VEGFD: variants seen among roughly 807,000 people sequenced by gnomAD.
VEGFD encodes c-fos induced growth factor (vascular endothelial growth factor D).
A neutral mutation model predicts 28.0 loss-of-function variants in VEGFD; 26 were observed. The observed-to-expected ratio is 0.93, with a 90% CI of 0.68 to 1.29. The LOEUF is 1.29. Among genes scored for constraint, VEGFD ranks in the 50% most tolerant of loss-of-function variants. The pLI is 0.00. For missense variants in VEGFD, 294 were observed against 273.4 expected (o/e 1.08, Z -0.53); for synonymous variants, 93 against 95.5 (o/e 0.97, Z 0.15).
At chrX:15,357,795 G>A (rs1051163010) in intron 3 of VEGFD, among the ~76,000 whole-genome samples, 8 of 111,916 alleles carry the variant, frequency 7.1e-5, no homozygotes, top group African/African-American at 2.6e-4. Flanking sequence ...TATCAGCCGT[G>A]TAAACTTGGA....
chrX:15,369,283 T>C (rs1465753020), intron 1 of VEGFD, among the ~76,000 whole-genome samples: 8 of 110,401 alleles, frequency 7.2e-5, no homozygotes, highest in Admixed American at 1.9e-4. Flanking sequence ...CAAAAATACA[T>C]ATCCAGTCAA....
chrX:15,371,964 G>A (rs762438927), intron 1 of VEGFD, among the ~76,000 whole-genome samples: 3 of 111,897 alleles, frequency 2.7e-5, no homozygotes, highest in African/African-American at 9.7e-5. Flanking sequence ...CCTAACACAC[G>A]GGATGAACAT....
At chrX:15,368,104 GAAGGA>G (rs1569186761) in intron 1 of VEGFD, among the ~76,000 whole-genome samples, 1 of 100,255 alleles carries the variant, frequency 1.0e-5, no homozygotes, top group Non-Finnish European at 2.0e-5. Context: ...AGAAAGAAAA[GAAGGA>G]AAGAAAGAAA....
At chrX:15,346,484 C>T (rs1220467482) in intron 6 of VEGFD, among the ~76,000 whole-genome samples, 6 of 111,273 alleles carry the variant, frequency 5.4e-5, no homozygotes, top group Non-Finnish European at 1.1e-4. Flanking sequence ...AATGATATTC[C>T]CTCCATTAAA....
chrX:15,377,004 T>C (rs1215496166), intron 1 of VEGFD, among the ~76,000 whole-genome samples: 1 of 111,943 alleles, frequency 8.9e-6, no homozygotes, highest in Admixed American at 9.5e-5. Context: ...ATCTCCAATA[T>C]GTGAGTGTTA....
At chrX:15,374,405 G>T (rs1471753995) in intron 1 of VEGFD, among the ~76,000 whole-genome samples, 1 of 112,222 alleles carries the variant, frequency 8.9e-6, no homozygotes, top group Non-Finnish European at 1.9e-5. Flanking sequence ...CTGGGACACT[G>T]GTAGAATCTC....
At position 15,367,444 on chromosome X, in the gene VEGFD, C is replaced by T. The variant is rs149201603; in HGVS notation, c.91-4125G>A. Among the ~76,000 whole-genome samples the T allele has an allele frequency of 3.8e-3, 427 of 111,870 alleles. 2 individuals carry two copies. The highest frequency in any genetic ancestry group is 5.8e-3 in the Non-Finnish European group (308 of 53,138). On this transcript the variant is annotated intron_variant, in intron 1 of 6. Coordinates refer to ENST00000297904, the MANE Select transcript of VEGFD (RefSeq NM_004469.5). ...GGCAGCTTTGAAATTCAATGCTTCT[C>T]CATTAAGTCTTATTTGTCAATAGTC... is the stretch of plus-strand genomic sequence containing the variant.
chrX:15,381,724 T>C (rs1053286875), intron 1 of VEGFD, among the ~76,000 whole-genome samples: 14 of 111,373 alleles, frequency 1.3e-4, no homozygotes, highest in Non-Finnish European at 2.1e-4. Flanking sequence ...CATTATCCCT[T>C]ACCACTCAGT....
intron 1 of VEGFD, among the ~76,000 whole-genome samples, chrX:15,365,401 G>A (rs908743745): frequency 8.9e-6 from 1 of 112,164 alleles, no homozygotes; most frequent in African/African-American, 3.2e-5. Context: ...CCAAAGTGTT[G>A]TGATTACAGA....
intron 5 of VEGFD, among the ~76,000 whole-genome samples, chrX:15,350,851 C>CTCTCTTTA (rs2147735556): frequency 1.2e-5 from 1 of 85,000 alleles, no homozygotes; most frequent in South Asian, 5.6e-4. Flanking sequence ...TTTTCTCTTT[C>CTCTCTTTA]TCTCTTTCTT....
rs73447273 is a variant in VEGFD at position 15,382,716 on chromosome X, C to T, written c.90+1141G>A. On this transcript the variant is annotated intron_variant, in intron 1 of 6. Coordinates refer to ENST00000297904, the MANE Select transcript of VEGFD (RefSeq NM_004469.5). ...AAAATGGAGCCAAACACTGTGATTT[C>T]TCCCATGTAAATTTGGAATTTGAGA... Among the ~76,000 whole-genome samples the T allele has an allele frequency of 2.9e-3, 318 of 111,097 alleles. 1 individual carries two copies. The highest frequency in any genetic ancestry group is 9.7e-3 in the African/African-American group (296 of 30,492).
chrX:15,349,294 AAC>A (rs1226903039), intron 5 of VEGFD, among the ~76,000 whole-genome samples: 1 of 112,812 alleles, frequency 8.9e-6, no homozygotes, highest in Admixed American at 9.3e-5. Flanking sequence ...TGTTCAGGGA[AAC>A]ACAATCCACA....
chrX:15,347,367 G>A lies in VEGFD; in HGVS notation c.743-8C>T. 8.4e-7 allele frequency: 1 copy of A among 1,184,788 alleles called. No homozygotes were observed. The highest frequency in any genetic ancestry group is 1.1e-6 in the Non-Finnish European group (1 of 878,791). On this transcript the variant is annotated splice_polypyrimidine_tract_variant and splice_region_variant and intron_variant, in intron 5 of 6. Coordinates refer to ENST00000297904, the MANE Select transcript of VEGFD (RefSeq NM_004469.5). ...CCTGGAGATGAGAGTGGTCTAAAGA[G>A]AAACAGAAACGTGTTGGTCAGATAG...
chrX:15,351,192 T>G (rs1602221499), intron 5 of VEGFD, among the ~76,000 whole-genome samples: 1 of 94,914 alleles, frequency 1.1e-5, no homozygotes, highest in African/African-American at 3.9e-5. Flanking sequence ...CTCGGCTCAC[T>G]GCAAGCTCCG....
In VEGFD at chrX:15,373,869, T is replaced by C. The variant is rs760273055; in HGVS notation, c.90+9988A>G. Among the ~76,000 whole-genome samples the C allele has an allele frequency of 1.5e-4, 17 of 111,456 alleles. 1 individual carries two copies. In the South Asian group the frequency reaches 5.7e-3, roughly 38 times the overall value. ...ACCAAAACCACCAAATTTTTCCTGG[T>C]TTTGGGGTCCAAGTAGCAATGTCTC... is the stretch of plus-strand genomic sequence containing the variant. On this transcript the variant is annotated intron_variant, in intron 1 of 6. Coordinates refer to ENST00000297904, the MANE Select transcript of VEGFD (RefSeq NM_004469.5).
intron 5 of VEGFD, among the ~76,000 whole-genome samples, chrX:15,351,216 C>T (rs1384272451): frequency 2.1e-5 from 2 of 95,029 alleles, no homozygotes; most frequent in Non-Finnish European, 4.2e-5. Context: ...CCCGGGTTCA[C>T]GCCATTCTCC....
chrX:15,364,366 C>A (rs757535991), intron 1 of VEGFD, among the ~76,000 whole-genome samples: 3 of 111,282 alleles, frequency 2.7e-5, no homozygotes, highest in Non-Finnish European at 5.7e-5. Flanking sequence ...TACAGTGCAA[C>A]TGTATTGGAT....
At chrX:15,370,709 C>T (rs1237840257) in intron 1 of VEGFD, among the ~76,000 whole-genome samples, 4 of 111,773 alleles carry the variant, frequency 3.6e-5, no homozygotes, top group East Asian at 5.6e-4. Flanking sequence ...AATGTGCATA[C>T]CTGGGGATCT....
At chrX:15,347,689 A>C (rs1465884923) in intron 5 of VEGFD, among the ~76,000 whole-genome samples, 6 of 112,121 alleles carry the variant, frequency 5.4e-5, no homozygotes, top group Non-Finnish European at 1.1e-4. Flanking sequence ...AAAATATAGG[A>C]TGTCTAAGGG....
Sources: allele counts gnomAD v4.1 joint callset (sites outside exome capture counted in the v4.1 genomes callset), GRCh38; gene constraint gnomAD v4.1.1; transcripts MANE v1.5; gene names NCBI Gene and HGNC (gene_info 2026-07-23, HGNC 2026-07-21).